The following MAF variants were observed in gnomAD, a reference collection of about 807,000 sequenced individuals.
The protein encoded by MAF is MAF bZIP transcription factor, also known as transcription factor Maf.
In MAF, 10 loss-of-function variants were observed where a neutral mutation model predicts 22.0. The observed-to-expected ratio is 0.45, with a 90% CI of 0.28 to 0.77. The LOEUF (loss-of-function observed/expected upper bound fraction) is 0.77, where lower values mean the gene tolerates loss of function less well. MAF is among the 30% of genes least tolerant of loss of function. The pLI, the probability that MAF is intolerant of heterozygous loss-of-function variation, is 0.12. For missense variants in MAF, 544 were observed against 548.4 expected (o/e 0.99, Z 0.08); for synonymous variants, 337 against 255.8 (o/e 1.32, Z -3.03).
chr16:79,529,205 T>G, the MAF span, among the ~76,000 whole-genome samples: 1 of 152,136 alleles, frequency 6.6e-6, no homozygotes, highest in East Asian at 1.9e-4. Context: ...AAACTCCAGC[T>G]GGTCTCTCAC....
chr16:79,458,109 A>AGAGTGTGTGT, the MAF span, among the ~76,000 whole-genome samples: 1 of 136,328 alleles, frequency 7.3e-6, no homozygotes, highest in Non-Finnish European at 1.6e-5. Context: ...GGTATGTATA[A>AGAGTGTGTGT]GTGTGTGTGT....
At chr16:79,429,450 C>T in the MAF span, among the ~76,000 whole-genome samples, 7 of 152,282 alleles carry the variant, frequency 4.6e-5, no homozygotes, top group South Asian at 2.1e-4. Context: ...CTCTGAGGAG[C>T]GCCGTGCCTC....
chr16:79,507,174 C>T, the MAF span, among the ~76,000 whole-genome samples: 11 of 146,700 alleles, frequency 7.5e-5, no homozygotes, highest in South Asian at 1.1e-3. Flanking sequence ...AGTGCAGGGG[C>T]GTGATCTCGG....
chr16:79,543,710 G>A, the MAF span, among the ~76,000 whole-genome samples: 175 of 139,276 alleles, frequency 1.3e-3, 1 homozygote, highest in African/African-American at 4.4e-3. Flanking sequence ...TTTCTGAGAC[G>A]GAGTCTCGCT....
the MAF span, among the ~76,000 whole-genome samples, chr16:79,544,497 G>A: frequency 3.0e-4 from 46 of 151,730 alleles, no homozygotes; most frequent in African/African-American, 8.7e-4. Flanking sequence ...AATAGCAGCC[G>A]GGCATGGTGG....
the MAF span, among the ~76,000 whole-genome samples, chr16:79,216,622 T>C: frequency 3.9e-5 from 6 of 152,160 alleles, no homozygotes; most frequent in Admixed American, 3.9e-4. Flanking sequence ...TCTGAACACA[T>C]TAAAGGTAGG....
the MAF span, among the ~76,000 whole-genome samples, chr16:79,333,466 C>T: frequency 4.9e-3 from 745 of 152,268 alleles, 11 homozygotes; most frequent in African/African-American, 0.018. Context: ...ACCATGTCAG[C>T]GGCCCTGAGG....
At chr16:79,214,017 A>G in the MAF span, among the ~76,000 whole-genome samples, 2 of 151,900 alleles carry the variant, frequency 1.3e-5, no homozygotes, top group African/African-American at 4.8e-5. Context: ...CACACTCCCA[A>G]CTCAAGGGGT....
the MAF span, among the ~76,000 whole-genome samples, chr16:79,324,506 C>T: frequency 6.6e-6 from 1 of 152,008 alleles, no homozygotes; most frequent in Non-Finnish European, 1.5e-5. Flanking sequence ...CCCATGTGTA[C>T]CAATGGATTA....
At chr16:79,281,676 G>A in the MAF span, among the ~76,000 whole-genome samples, 2 of 151,420 alleles carry the variant, frequency 1.3e-5, no homozygotes, top group African/African-American at 4.9e-5. Flanking sequence ...AGCCTCCTCA[G>A]TAGCTGGGAC....
the MAF span, among the ~76,000 whole-genome samples, chr16:79,327,682 C>T: frequency 6.6e-6 from 1 of 152,172 alleles, no homozygotes; most frequent in Non-Finnish European, 1.5e-5. Flanking sequence ...TGTTCATCGT[C>T]ATAATGTTGC....
the MAF span, among the ~76,000 whole-genome samples, chr16:79,537,837 C>T: frequency 7.2e-5 from 11 of 152,248 alleles, no homozygotes; most frequent in East Asian, 9.7e-4. Context: ...ATGACAGTCG[C>T]CGTTGATTGA....
the MAF span, among the ~76,000 whole-genome samples, chr16:79,355,104 G>A: frequency 4.6e-5 from 7 of 152,114 alleles, no homozygotes; most frequent in Admixed American, 1.3e-4. Context: ...CAACAGCACC[G>A]AAATAATCTC....
chr16:79,501,954 T>C, the MAF span, among the ~76,000 whole-genome samples: 1 of 152,230 alleles, frequency 6.6e-6, no homozygotes, highest in Non-Finnish European at 1.5e-5. Context: ...CTTTTTGGAC[T>C]TCTGAGAAGT....
the MAF span, among the ~76,000 whole-genome samples, chr16:79,262,441 C>T: frequency 6.6e-6 from 1 of 152,192 alleles, no homozygotes; most frequent in Non-Finnish European, 1.5e-5. Flanking sequence ...TGGCTAGATG[C>T]TCTGGACCTG....
At chr16:79,573,439 A>T in the MAF span, among the ~76,000 whole-genome samples, 2 of 152,030 alleles carry the variant, frequency 1.3e-5, no homozygotes, top group Non-Finnish European at 2.9e-5. Flanking sequence ...CCTCCTGTTC[A>T]CCTCATAAAC....
chr16:79,468,442 C>T, the MAF span, among the ~76,000 whole-genome samples: 2 of 152,330 alleles, frequency 1.3e-5, no homozygotes, highest in African/African-American at 4.8e-5. Context: ...CTGGAGGGAG[C>T]CAAGTCCGTG....
chr16:79,536,930 C>A, the MAF span, among the ~76,000 whole-genome samples: 3 of 152,134 alleles, frequency 2.0e-5, no homozygotes, highest in Non-Finnish European at 4.4e-5. Flanking sequence ...GAACCAATTA[C>A]CTCACAGATA....
At chr16:79,322,404 T>A in the MAF span, among the ~76,000 whole-genome samples, 1 of 152,170 alleles carries the variant, frequency 6.6e-6, no homozygotes, top group Non-Finnish European at 1.5e-5. Flanking sequence ...AGGAAGGGAA[T>A]CTTCTTTTCT....
Sources: allele counts gnomAD v4.1 joint callset (sites outside exome capture counted in the v4.1 genomes callset), GRCh38; gene constraint gnomAD v4.1.1; transcripts MANE v1.5; gene names NCBI Gene and HGNC (gene_info 2026-07-23, HGNC 2026-07-21).